PIK3R5: variants seen among roughly 807,000 people sequenced by gnomAD.
PIK3R5 encodes phosphoinositide 3-kinase regulatory subunit 5.
In PIK3R5, 32 loss-of-function variants were observed where a neutral mutation model predicts 94.9. That is an observed-to-expected ratio of 0.34 (90% CI 0.25 to 0.45). The LOEUF (loss-of-function observed/expected upper bound fraction) is 0.45, where lower values mean the gene tolerates loss of function less well. Ranked by LOEUF, PIK3R5 falls within the 20% of genes least tolerant of loss-of-function variation. The pLI is 1.00. For synonymous variants in PIK3R5, 443 were observed against 479.4 expected, an observed-to-expected ratio of 0.92 and a Z score of 0.99; for missense variants, 853 against 1,144.6, an observed-to-expected ratio of 0.75 and a Z score of 3.68.
In PIK3R5 at chr17:8,955,320, G is replaced by T. The variant is rs976786448; in HGVS notation, c.-14+10276C>A. Reference sequence around the variant, plus strand: ...GCTGGCCCCTGCAAGGCACTGGAGAGTCAGCACTGAACAAAATGATTGGAA... The same window carrying T: ...GCTGGCCCCTGCAAGGCACTGGAGATTCAGCACTGAACAAAATGATTGGAA... On this transcript the variant is annotated intron_variant, in intron 1 of 18. Coordinates refer to ENST00000447110, the MANE Select transcript of PIK3R5 (RefSeq NM_001142633.3). The surrounding 1 kb of genome is among the most constrained non-coding windows in gnomAD (Gnocchi z 4.4). Among the ~76,000 whole-genome samples the T allele has an allele frequency of 2.0e-5, 3 of 152,238 alleles. No homozygotes were observed. The highest frequency in any genetic ancestry group is 4.4e-5 in the Non-Finnish European group (3 of 68,042).
chr17:8,889,125 C>A lies in PIK3R5; in HGVS notation c.895+14G>T, dbSNP rs373503762. On this transcript the variant is annotated intron_variant, in intron 9 of 18. Coordinates refer to ENST00000447110, the MANE Select transcript of PIK3R5 (RefSeq NM_001142633.3). The surrounding 1 kb of genome is among the most constrained non-coding windows in gnomAD (Gnocchi z 4.1). ...GTGTGGGGCATGGGTGTCACCAGGG[C>A]CCCGGCTCCTTACCAAAGCTGTCCT... 6.2e-7 allele frequency: 1 copy of A among 1,610,724 alleles called. No homozygotes were observed. Among genetic ancestry groups the A allele is most frequent in the South Asian group, 1.1e-5 (1 of 90,732 alleles).
intron 1 of PIK3R5, among the ~76,000 whole-genome samples, chr17:8,963,387 G>A (rs2091599594): frequency 6.6e-6 from 1 of 152,220 alleles, no homozygotes; most frequent in South Asian, 2.1e-4. Context: ...CAGCCAGCAG[G>A]CCCCTGATGG....
rs192353660 is a variant in PIK3R5, at chr17:8,937,673, A to C, written c.-13-26166T>G. Among the ~76,000 whole-genome samples the C allele has an allele frequency of 1.3e-3, 193 of 152,352 alleles. No homozygotes were observed. In the East Asian group the frequency reaches 0.014, roughly 11 times the overall value. On this transcript the variant is annotated intron_variant, in intron 1 of 18. Coordinates refer to ENST00000447110, the MANE Select transcript of PIK3R5 (RefSeq NM_001142633.3). ...GGATTTTTACACCTATATTAATGAA[A>C]GATATTGATCTGTAGTTTTCGTTTT...
intron 5 of PIK3R5, among the ~76,000 whole-genome samples, chr17:8,901,686 G>A (rs904280690): frequency 6.6e-6 from 1 of 152,126 alleles, no homozygotes; most frequent in Non-Finnish European, 1.5e-5. Context: ...AAACAAAAAT[G>A]GGATTATAAC....
Position 8,919,981 on chromosome 17 carries a change from C to T in PIK3R5, c.-13-8474G>A, listed in dbSNP as rs145547712. On this transcript the variant is annotated intron_variant, in intron 1 of 18. Transcript: ENST00000447110. ...CTCGGCTCACTGCAACCTCAGCCTC[C>T]GAGGTTCAAGGGATTCTCTTGCCTC... 2.4e-3 allele frequency among the ~76,000 whole-genome samples: 362 copies of T among 150,346 alleles called. 3 individuals carry two copies. Among genetic ancestry groups the T allele is most frequent in the African/African-American group, 8.2e-3 (333 of 40,762 alleles).
rs1279029082 is a variant in PIK3R5 at position 8,893,249 on chromosome 17, TG to T, written c.482+336del. On this transcript the variant is annotated intron_variant, in intron 6 of 18. Coordinates refer to ENST00000447110, the MANE Select transcript of PIK3R5 (RefSeq NM_001142633.3). This position sits in a 1 kb window ranked among gnomAD's most constrained non-coding sequence, Gnocchi z 5.1. ...CTGGCTCGTACCCTTGCTCGCTGTG[TG>T]ACCTTGGGGAAGTTGCTTGACCTCT... Among the ~76,000 whole-genome samples, 2 of 152,180 alleles carry T rather than the reference TG, an allele frequency of 1.3e-5. No individual in the cohort carries two copies. The highest frequency in any genetic ancestry group is 3.8e-4 in the East Asian group (2 of 5,202).
At chr17:8,936,868 A>G (rs1414712873) in intron 1 of PIK3R5, among the ~76,000 whole-genome samples, 2 of 152,244 alleles carry the variant, frequency 1.3e-5, no homozygotes, top group Non-Finnish European at 2.9e-5. Flanking sequence ...GCTTAACAAT[A>G]GTGAGTCTTT....
intron 1 of PIK3R5, among the ~76,000 whole-genome samples, chr17:8,927,653 T>C (rs1252150748): frequency 6.6e-6 from 1 of 152,180 alleles, no homozygotes; most frequent in Non-Finnish European, 1.5e-5. Context: ...ACTCCTACCG[T>C]TTCTAGCCAG....
At chr17:8,886,428 G>C in intron 13 of PIK3R5, 49 bp downstream of exon 13, 1 of 1,596,494 alleles carries the variant, frequency 6.3e-7, no homozygotes, top group Non-Finnish European at 8.6e-7. Flanking sequence ...GTGGGGCCTT[G>C]CAGGCCCGGC....
In PIK3R5 at chr17:8,887,028, G is replaced by A. The variant is rs1049908260; in HGVS notation, c.1905+68C>T. ...CCTCAAGCCTGATTCCCTAAATCCA[G>A]GGCCTTCTAAGTGAGGCTGGGTGAC... On this transcript the variant is annotated intron_variant, in intron 12 of 18. Coordinates refer to ENST00000447110, the MANE Select transcript of PIK3R5 (RefSeq NM_001142633.3). 18 of 1,587,086 alleles carry A rather than the reference G, an allele frequency of 1.1e-5. No homozygotes were observed. In the South Asian group the frequency reaches 2.0e-4, roughly 18 times the overall value.
chr17:8,880,565 G>A lies in PIK3R5; in HGVS notation c.*74C>T, dbSNP rs1475789367. 60 of 1,415,998 alleles carry A rather than the reference G, an allele frequency of 4.2e-5. 1 individual carries two copies. The highest frequency in any genetic ancestry group is 9.4e-7 in the Non-Finnish European group (1 of 1,060,596). The allele number at this position is 1,415,998 out of a possible 1,614,324, so 87.7% of individuals were successfully genotyped here. A position where few individuals can be genotyped will look rare whatever the true frequency, so the allele number is the denominator to read the frequency against. On this transcript the variant is annotated 3_prime_UTR_variant, in exon 19 of 19. Coordinates refer to ENST00000447110, the MANE Select transcript of PIK3R5 (RefSeq NM_001142633.3). ...GCACAGGGCCATTCAGTTCTCCACAGAGAGGGACTGTCCTGGAGGGGTGGC... is the reference window on the plus strand; with the variant it reads ...GCACAGGGCCATTCAGTTCTCCACAAAGAGGGACTGTCCTGGAGGGGTGGC...
intron 14 of PIK3R5, chr17:8,885,114 T>G: frequency 3.2e-6 from 1 of 315,802 alleles, no homozygotes; most frequent in Admixed American, 4.7e-5. Flanking sequence ...TGATCACACC[T>G]TCCCAGGGTC....
rs1466938943 is a variant in PIK3R5, at chr17:8,925,350, AGATG to A, written c.-13-13847_-13-13844del. On this transcript the variant is annotated intron_variant, in intron 1 of 18. Coordinates refer to ENST00000447110, the MANE Select transcript of PIK3R5 (RefSeq NM_001142633.3). This position sits in a 1 kb window ranked among gnomAD's most constrained non-coding sequence, Gnocchi z 5.1. ...ATGGATAGACAGTAGATTGATAGATAGATGGATTGATAGATAGTAGATGGATAGA... is the reference window on the plus strand; with the variant it reads ...ATGGATAGACAGTAGATTGATAGATAGATTGATAGATAGTAGATGGATAGA... Among the ~76,000 whole-genome samples the A allele has an allele frequency of 1.3e-5, 2 of 151,736 alleles. No homozygotes were observed. The highest frequency in any genetic ancestry group is 2.9e-5 in the Non-Finnish European group (2 of 67,970).
rs147050793 is a variant in PIK3R5, at chr17:8,888,781, T to C, written c.1006A>G (p.Thr336Ala). Residue 336 changes from threonine to alanine, a missense_variant, in exon 10 of 19, where the codon ACT becomes GCT. By Grantham distance (58) the Thr-to-Ala change is moderately conservative (BLOSUM62 0). Coordinates refer to ENST00000447110, the MANE Select transcript of PIK3R5 (RefSeq NM_001142633.3). The surrounding 1 kb of genome is among the most constrained non-coding windows in gnomAD (Gnocchi z 7.8). ...EEEEVEEDLE[T>A]DGHCAERDSL... ...TCTCTCTCGGCACAGTGCCCGTCAG[T>C]TTCCAAGTCCTCCTCCACCTCCTCC... 90 of 1,612,828 alleles carry C rather than the reference T, an allele frequency of 5.6e-5. No homozygotes were observed. The African/African-American group carries it at 1.1e-3, about 19-fold the overall frequency.
chr17:8,898,058 G>A (rs530419579), intron 5 of PIK3R5, among the ~76,000 whole-genome samples: 143 of 152,298 alleles, frequency 9.4e-4, no homozygotes, highest in South Asian at 2.5e-3. Flanking sequence ...TGATCACACC[G>A]TGTGGTTTCT....
intron 1 of PIK3R5, among the ~76,000 whole-genome samples, chr17:8,931,003 G>A (rs973973238): frequency 6.6e-6 from 1 of 152,108 alleles, no homozygotes; most frequent in African/African-American, 2.4e-5. Flanking sequence ...TATTTGTTTT[G>A]CAAGATGTTA....
rs1403513954 is a variant in PIK3R5 at position 8,890,092 on chromosome 17, G to A, written c.692C>T (p.Thr231Met). 1.5e-5 allele frequency: 24 copies of A among 1,614,000 alleles called. No individual in the cohort carries two copies. Among genetic ancestry groups the A allele is most frequent in the East Asian group, 2.2e-5 (1 of 44,876 alleles). The change falls in exon 8 of 19, where the codon ACG becomes ATG. Residue 231 changes from threonine (T) to methionine (M), a missense_variant. Physicochemically the swap from Thr to Met is moderately conservative, Grantham distance 81 (BLOSUM62 -1). Coordinates refer to ENST00000447110, the MANE Select transcript of PIK3R5 (RefSeq NM_001142633.3). This position sits in a 1 kb window ranked among gnomAD's most constrained non-coding sequence, Gnocchi z 6.1. Reference protein sequence around the residue: ...KTLAELEDIFTETAEAQELAS... With the variant: ...KTLAELEDIFMETAEAQELAS... ...CAGCTCCTGTGCCTCTGCGGTCTCC[G>A]TGAAGATGTCCTCAAGCTCTGCCAG...
chr17:8,912,785 C>T (rs1050615559), intron 1 of PIK3R5, among the ~76,000 whole-genome samples: 1 of 152,360 alleles, frequency 6.6e-6, no homozygotes, highest in Non-Finnish European at 1.5e-5. Context: ...CTTACGGAGG[C>T]CCCACACAGG....
intron 1 of PIK3R5, among the ~76,000 whole-genome samples, chr17:8,930,802 C>T (rs2151440742): frequency 6.6e-6 from 1 of 152,284 alleles, no homozygotes; most frequent in Middle Eastern, 3.4e-3. Flanking sequence ...TATTTCATTG[C>T]ACAATACTTT....
Sources: allele counts gnomAD v4.1 joint callset (sites outside exome capture counted in the v4.1 genomes callset), GRCh38; gene constraint gnomAD v4.1.1; non-coding constraint Gnocchi (gnomAD v3.1); transcripts MANE v1.5; gene names NCBI Gene and HGNC (gene_info 2026-07-23, HGNC 2026-07-21).